Variants in ARHGEF7 observed in about 807,000 individuals in gnomAD.
ARHGEF7 encodes the protein PAK-interacting exchange factor beta.
In ARHGEF7, 33 loss-of-function variants were observed where a neutral mutation model predicts 109.8. That is an observed-to-expected ratio of 0.30 (90% CI 0.23 to 0.40). The LOEUF is 0.40. ARHGEF7 is among the 10% of genes least tolerant of loss of function. The pLI, the probability that ARHGEF7 is intolerant of heterozygous loss-of-function variation, is 1.00. For missense variants in ARHGEF7, 938 were observed against 1,098.5 expected (o/e 0.85, Z 2.07); for synonymous variants, 458 against 424.6 (o/e 1.08, Z -0.97).
chr13:111,225,512 G>A (rs551630762), intron 5 of ARHGEF7, among the ~76,000 whole-genome samples: 43 of 140,902 alleles, frequency 3.1e-4, no homozygotes, highest in Admixed American at 5.6e-4. Context: ...TTGTTTTTTT[G>A]TTTTTTTTTT....
At position 111,302,985 on chromosome 13, in the gene ARHGEF7, T is replaced by G. The variant is rs1293689271; in HGVS notation, c.2467-6T>G. The G allele has an allele frequency of 6.2e-7, 1 of 1,613,802 alleles. No homozygotes were observed. Among genetic ancestry groups the G allele is most frequent in the Non-Finnish European group, 8.5e-7 (1 of 1,179,924 alleles). The stretch of plus-strand genomic sequence containing the variant: ...GTGAACACCCTGTGGTCTGCTTAAT[T>G]TACAGGACAACAAAAAGATGAAGAA... On this transcript the variant is annotated splice_polypyrimidine_tract_variant and splice_region_variant and intron_variant, in intron 21 of 21. Transcript: ENST00000646102.
chr13:111,176,764 ATTTATTTT>A lies in ARHGEF7; in HGVS notation c.252+22778_252+22785del, dbSNP rs534506489. ...TATTTGCTGACTGGCTTATTTATTT[ATTTATTTT>A]TTTAGATGGAGTTCACTCTTGTCAC... On this transcript the variant is annotated intron_variant, in intron 2 of 21. Coordinates refer to ENST00000646102, the MANE Select transcript of ARHGEF7 (RefSeq NM_001354046.2). Among the ~76,000 whole-genome samples, 90 of 152,092 alleles carry A rather than the reference ATTTATTTT, an allele frequency of 5.9e-4. 3 individuals are homozygous for A. The South Asian group carries it at 0.017, about 29-fold the overall frequency.
At chr13:111,195,072 G>A (rs2080332620) in intron 2 of ARHGEF7, among the ~76,000 whole-genome samples, 1 of 152,178 alleles carries the variant, frequency 6.6e-6, no homozygotes, top group Admixed American at 6.5e-5. Context: ...TCCTTACTAA[G>A]CCTTGAGCTT....
chr13:111,170,382 G>A (rs1429642143), intron 2 of ARHGEF7, among the ~76,000 whole-genome samples: 2 of 152,254 alleles, frequency 1.3e-5, no homozygotes, highest in Non-Finnish European at 2.9e-5. Flanking sequence ...ATAGGCGTGA[G>A]CCACCGTGCC....
At chr13:111,248,651 G>T (rs1219935452) in intron 8 of ARHGEF7, among the ~76,000 whole-genome samples, 2 of 152,088 alleles carry the variant, frequency 1.3e-5, no homozygotes, top group African/African-American at 2.4e-5. Context: ...CGTGCAACAA[G>T]TTTTTAGTTT....
chr13:111,153,581 G>A (rs2076027521), intron 1 of ARHGEF7: 1 of 1,087,174 alleles, frequency 9.2e-7, no homozygotes, highest in African/African-American at 1.7e-5. Flanking sequence ...CGTCCGCGGG[G>A]GCGAACACCC....
intron 4 of ARHGEF7, among the ~76,000 whole-genome samples, chr13:111,211,974 A>T (rs1350264749): frequency 6.6e-6 from 1 of 152,124 alleles, no homozygotes; most frequent in Non-Finnish European, 1.5e-5. Context: ...CCAGGCGAGG[A>T]TCTGTGTTCT....
chr13:111,172,892 T>C, intron 2 of ARHGEF7, among the ~76,000 whole-genome samples: 1 of 152,218 alleles, frequency 6.6e-6, no homozygotes, highest in African/African-American at 2.4e-5. Context: ...TTCTCCCGAT[T>C]ATAGTAGCTA....
At chr13:111,146,163 A>G (rs1447687065) in intron 1 of ARHGEF7, among the ~76,000 whole-genome samples, 2 of 152,186 alleles carry the variant, frequency 1.3e-5, no homozygotes, top group Admixed American at 1.3e-4. Context: ...GATGGCAAAG[A>G]CCTGGGGTGA....
chr13:111,260,725 G>A (rs765398083), intron 8 of ARHGEF7, among the ~76,000 whole-genome samples: 61 of 152,194 alleles, frequency 4.0e-4, no homozygotes, highest in Non-Finnish European at 4.4e-4. Context: ...ATAACACTAT[G>A]TGTAAACTAC....
intron 17 of ARHGEF7, 47 bp downstream of exon 17, chr13:111,286,287 C>T (rs368552081): frequency 4.1e-6 from 6 of 1,480,822 alleles, no homozygotes; most frequent in East Asian, 2.3e-5. Context: ...CTCCTGGTCA[C>T]GTAGGCCATG....
chr13:111,283,477 G>T, intron 16 of ARHGEF7, 114 bp downstream of exon 16: 1 of 1,431,742 alleles, frequency 7.0e-7, no homozygotes, highest in Non-Finnish European at 9.2e-7. Context: ...AACTCCTAGA[G>T]AACTGAGAAG....
chr13:111,168,408 A>G (rs771266098), intron 2 of ARHGEF7, among the ~76,000 whole-genome samples: 5 of 152,106 alleles, frequency 3.3e-5, no homozygotes, highest in Non-Finnish European at 7.4e-5. Flanking sequence ...GATTTCTTCA[A>G]GCTTCATGCT....
chr13:111,148,625 T>C (rs1242912355), intron 1 of ARHGEF7, among the ~76,000 whole-genome samples: 1 of 152,176 alleles, frequency 6.6e-6, no homozygotes, highest in Non-Finnish European at 1.5e-5. Context: ...TGATGGCCAT[T>C]CTCCCAATTC....
At chr13:111,227,095 A>G (rs1214240538) in intron 5 of ARHGEF7, among the ~76,000 whole-genome samples, 1 of 152,214 alleles carries the variant, frequency 6.6e-6, no homozygotes, top group Non-Finnish European at 1.5e-5. Context: ...ATGGATGAAG[A>G]GTTGCTCCTT....
At chr13:111,150,490 T>C (rs890343943) in intron 1 of ARHGEF7, among the ~76,000 whole-genome samples, 1 of 152,240 alleles carries the variant, frequency 6.6e-6, no homozygotes, top group African/African-American at 2.4e-5. Context: ...TTATTTGCCT[T>C]GCAATATGCA....
At position 111,266,817 on chromosome 13, in the gene ARHGEF7, C is replaced by A. The variant is rs1331942671; in HGVS notation, c.951-731C>A. 4.4e-6 allele frequency: 2 copies of A among 456,016 alleles called. No individual in the cohort carries two copies. The highest frequency in any genetic ancestry group is 4.0e-5 in the African/African-American group (2 of 50,146). The allele number at this position is 456,016 out of a possible 1,614,324, so 28.2% of individuals were successfully genotyped here. ...GGTGGTAAGAGTTCACGTGGTTCTC[C>A]TGTTTTCAGCACACGTGCCCCTGCT... On this transcript the variant is annotated intron_variant, in intron 8 of 21. Coordinates refer to ENST00000646102, the MANE Select transcript of ARHGEF7 (RefSeq NM_001354046.2). The surrounding 1 kb of genome is among the most constrained non-coding windows in gnomAD (Gnocchi z 4.8).
At chr13:111,233,468 A>G (rs1555377533) in intron 6 of ARHGEF7, among the ~76,000 whole-genome samples, 175 bp downstream of exon 6, 2 of 152,120 alleles carry the variant, frequency 1.3e-5, no homozygotes, top group Non-Finnish European at 2.9e-5. Flanking sequence ...TAATCTCTGT[A>G]TTTTTGTAAT....
intron 1 of ARHGEF7, among the ~76,000 whole-genome samples, chr13:111,149,841 T>TA (rs2075806156): frequency 6.6e-6 from 1 of 152,172 alleles, no homozygotes; most frequent in African/African-American, 2.4e-5. Context: ...AACAAATACA[T>TA]AAAGTCCTGA....
Sources: allele counts gnomAD v4.1 joint callset (sites outside exome capture counted in the v4.1 genomes callset), GRCh38; gene constraint gnomAD v4.1.1; non-coding constraint Gnocchi (gnomAD v3.1); transcripts MANE v1.5; gene names NCBI Gene and HGNC (gene_info 2026-07-23, HGNC 2026-07-21).